The following DCAF6 variants were observed in gnomAD, a reference collection of about 807,000 sequenced individuals.
The protein encoded by DCAF6 is DDB1 and CUL4 associated factor 6.
A neutral mutation model predicts 125.1 loss-of-function variants in DCAF6; 54 were observed. That is an observed-to-expected ratio of 0.43 (90% confidence interval 0.35 to 0.54). DCAF6 has a LOEUF of 0.54. DCAF6 is among the 20% of genes least tolerant of loss of function. The pLI is 0.01. For missense variants in DCAF6, 934 were observed against 1,161.7 expected (o/e 0.80, Z 2.85); for synonymous variants, 371 against 390.4 (o/e 0.95, Z 0.58).
chr1:168,034,787 A>T (rs1294463798), intron 12 of DCAF6, among the ~76,000 whole-genome samples: 1 of 152,342 alleles, frequency 6.6e-6, no homozygotes, highest in East Asian at 1.9e-4. Flanking sequence ...CTACCTTTTA[A>T]GTAACATATC....
chr1:168,035,773 ACT>A (rs1228262536), intron 12 of DCAF6, among the ~76,000 whole-genome samples: 4 of 152,042 alleles, frequency 2.6e-5, no homozygotes, highest in Admixed American at 2.6e-4. Context: ...TTAAATAAGA[ACT>A]CTGTAGGCCG....
intron 1 of DCAF6, among the ~76,000 whole-genome samples, chr1:167,938,001 A>T (rs1296484613): frequency 6.6e-6 from 1 of 152,214 alleles, no homozygotes; most frequent in Non-Finnish European, 1.5e-5. Context: ...AAATCTCATT[A>T]CAACCAACAG....
intron 1 of DCAF6, among the ~76,000 whole-genome samples, chr1:167,951,396 G>A (rs1408425332): frequency 6.6e-6 from 1 of 152,126 alleles, no homozygotes; most frequent in Non-Finnish European, 1.5e-5. Context: ...CCCACATGAT[G>A]AAATCCTGTC....
intron 2 of DCAF6, among the ~76,000 whole-genome samples, chr1:167,957,709 C>G (rs1557890808): frequency 1.3e-5 from 2 of 152,044 alleles, no homozygotes; most frequent in African/African-American, 4.8e-5. Flanking sequence ...GGTATCAAAA[C>G]TGTTTTCCAA....
intron 1 of DCAF6, among the ~76,000 whole-genome samples, chr1:167,945,288 A>G (rs1431592650): frequency 2.0e-5 from 3 of 152,254 alleles, no homozygotes; most frequent in East Asian, 3.9e-4. Flanking sequence ...TAGGGATTGT[A>G]TAGAATATGT....
In DCAF6 at chr1:167,937,028, C is replaced by A; in HGVS notation, c.97+20C>A. 1 of 1,595,442 alleles carries A rather than the reference C, an allele frequency of 6.3e-7. No homozygotes were observed. The highest frequency in any genetic ancestry group is 8.5e-7 in the Non-Finnish European group (1 of 1,170,344). Reference sequence around the variant, plus strand: ...ACCTGGGTGAGCGGGGGCCCCGGGGCGGAGGCGCTGAGGTCGCCGCCTAGA... The same window carrying A: ...ACCTGGGTGAGCGGGGGCCCCGGGGAGGAGGCGCTGAGGTCGCCGCCTAGA... On this transcript the variant is annotated intron_variant, in intron 1 of 21. Transcript: ENST00000367840.
At chr1:167,901,887 T>C in the DCAF6 span, 14 of 1,604,406 alleles carry the variant, frequency 8.7e-6, no homozygotes, top group African/African-American at 1.4e-5. Context: ...AGAAACTTAC[T>C]CATCAAGCAT....
intron 4 of DCAF6, among the ~76,000 whole-genome samples, chr1:167,985,194 T>TGTGTGTGTGTGTGTGTG (rs1016637251): frequency 3.3e-5 from 5 of 149,756 alleles, no homozygotes; most frequent in Non-Finnish European, 7.4e-5. Flanking sequence ...CGTGTGTGTG[T>TGTGTGTGTGTGTGTGTG]GTGTGTGTGT....
the DCAF6 span, among the ~76,000 whole-genome samples, chr1:167,869,213 T>C: frequency 6.6e-6 from 1 of 152,206 alleles, no homozygotes; most frequent in South Asian, 2.1e-4. Flanking sequence ...ATAGGAGTTA[T>C]AATAGTAATA....
chr1:167,880,474 C>G, the DCAF6 span: 1 of 1,587,554 alleles, frequency 6.3e-7, no homozygotes, highest in Non-Finnish European at 8.7e-7. Context: ...CTGGGTGGGA[C>G]CAGGGTCAAT....
chr1:168,016,056 C>A (rs920590930), intron 11 of DCAF6, 105 bp downstream of exon 11: 4 of 1,012,960 alleles, frequency 3.9e-6, no homozygotes, highest in Non-Finnish European at 3.9e-6. Context: ...AGAGCTAATG[C>A]GCTTGCAGCT....
rs1340979964 is a variant in DCAF6 at position 168,004,565 on chromosome 1, C to T, written c.1150C>T (p.Pro384Ser). ...GTSQSDISTL[P>S]TVPSSPDLEV... ...AAGTCAATCAGATATTTCAACTCTT[C>T]CTACGGTCCCATCAAGTCCTGATTT... The change falls in exon 10 of 22, where the codon CCT (proline) becomes TCT (serine). Residue 384 changes from proline to serine, a missense_variant. Pro to Ser is a moderately conservative substitution (Grantham distance 74). This residue lies in a region of DCAF6 where 559 missense variants were observed against 635.5 expected (regional missense o/e 0.88). Coordinates refer to ENST00000367840, the MANE Select transcript of DCAF6 (RefSeq NM_001198956.2). 8.7e-6 allele frequency: 14 copies of T among 1,612,330 alleles called. 2 individuals are homozygous for T. In the South Asian group the frequency reaches 1.5e-4, roughly 18 times the overall value.
chr1:167,923,261 A>G, the DCAF6 span, among the ~76,000 whole-genome samples: 1 of 152,230 alleles, frequency 6.6e-6, no homozygotes, highest in African/African-American at 2.4e-5. Flanking sequence ...TCATGGTAGC[A>G]TTATTCACAA....
chr1:168,020,159 G>C (rs967692504), intron 11 of DCAF6, among the ~76,000 whole-genome samples: 4 of 152,146 alleles, frequency 2.6e-5, no homozygotes, highest in Admixed American at 1.3e-4. Context: ...TGTGCTGTCT[G>C]AATATTTTAC....
At chr1:167,880,233 A>C in the DCAF6 span, 1 of 1,540,122 alleles carries the variant, frequency 6.5e-7, no homozygotes, top group African/African-American at 1.4e-5. Context: ...AGAAATAAAG[A>C]TAATGAGCGT....
chr1:167,975,104 G>C, intron 4 of DCAF6, 89 bp downstream of exon 4: 3 of 734,002 alleles, frequency 4.1e-6, no homozygotes, highest in Non-Finnish European at 6.1e-6. Context: ...GTGTGTACAT[G>C]TACAGATGTG....
chr1:167,951,698 A>G, intron 1 of DCAF6, 102 bp from the exon 2 acceptor site: 1 of 725,370 alleles, frequency 1.4e-6, no homozygotes, highest in Non-Finnish European at 2.4e-6. Flanking sequence ...AAATTAGAGC[A>G]TGAATTTACT....
At chr1:167,879,615 G>A in the DCAF6 span, among the ~76,000 whole-genome samples, 5 of 151,862 alleles carry the variant, frequency 3.3e-5, no homozygotes, top group Admixed American at 6.6e-5. Context: ...CATAACTATC[G>A]TGGTATTTTA....
chr1:167,972,009 C>A (rs1230250356), intron 3 of DCAF6, among the ~76,000 whole-genome samples: 1 of 152,124 alleles, frequency 6.6e-6, no homozygotes, highest in Admixed American at 6.5e-5. Flanking sequence ...GGATGCGCCA[C>A]CATACCCGGC....
Sources: allele counts gnomAD v4.1 joint callset (sites outside exome capture counted in the v4.1 genomes callset), GRCh38; gene constraint gnomAD v4.1.1; regional missense constraint gnomAD v4.1.1; transcripts MANE v1.5; gene names NCBI Gene and HGNC (gene_info 2026-07-23, HGNC 2026-07-21).